CDH9: variants seen among roughly 807,000 people sequenced by gnomAD.
CDH9 encodes cadherin-9.
CDH9 carries 28 observed loss-of-function variants against 70.9 expected under a neutral mutation model. The ratio of observed to expected loss-of-function variants is 0.40; its 90% CI spans 0.29 to 0.54. CDH9 has a LOEUF of 0.54. Among genes scored for constraint, CDH9 ranks in the 20% least tolerant of loss-of-function variants. CDH9 has a pLI of 0.59. For missense variants in CDH9, 874 were observed against 984.4 expected (o/e 0.89, Z 1.50); for synonymous variants, 409 against 343.1 (o/e 1.19, Z -2.12).
At chr5:26,893,304 C>T (rs559084227) in intron 7 of CDH9, among the ~76,000 whole-genome samples, 1 of 151,896 alleles carries the variant, frequency 6.6e-6, no homozygotes, top group Non-Finnish European at 1.5e-5. Flanking sequence ...GTATTTGGGC[C>T]TTTGGAAAAA....
At position 26,921,540 on chromosome 5, in the gene CDH9, A is replaced by C. The variant is rs77926361; in HGVS notation, c.229-5616T>G. On this transcript the variant is annotated intron_variant, in intron 2 of 11. Coordinates refer to ENST00000231021, the MANE Select transcript of CDH9 (RefSeq NM_016279.4). ...CACAAGTGGAAAAACTGGACAAACAAAAAGGTGGAAACTTAAGACAGAAAC... is the reference window on the plus strand; with the variant it reads ...CACAAGTGGAAAAACTGGACAAACACAAAGGTGGAAACTTAAGACAGAAAC... Among the ~76,000 whole-genome samples, 1,307 of 152,268 alleles carry C rather than the reference A, an allele frequency of 8.6e-3. 20 individuals are homozygous for C. The highest frequency in any genetic ancestry group is 0.029 in the African/African-American group (1,217 of 41,556).
chr5:26,956,458 A>G (rs565845774), intron 2 of CDH9, among the ~76,000 whole-genome samples: 2 of 152,344 alleles, frequency 1.3e-5, no homozygotes, highest in East Asian at 3.9e-4. Flanking sequence ...GAAGGAAAAG[A>G]AAGTACTTAT....
intron 2 of CDH9, among the ~76,000 whole-genome samples, chr5:26,923,226 A>C (rs1370796759): frequency 2.8e-5 from 4 of 143,484 alleles, no homozygotes; most frequent in Non-Finnish European, 4.8e-5. Flanking sequence ...AACGTATTCT[A>C]TGCCAGTAAA....
chr5:26,907,193 C>G lies in CDH9; in HGVS notation c.524-355G>C, dbSNP rs1232193280. On this transcript the variant is annotated intron_variant, in intron 3 of 11. Transcript: ENST00000231021. ...AAATTTGTAATTAATACATTTACCA[C>G]TAACTGGAAACATGTATTTAAAAGA... Among the ~76,000 whole-genome samples, 3 of 152,018 alleles carry G rather than the reference C, an allele frequency of 2.0e-5. No individual in the cohort carries two copies. In the South Asian group the frequency reaches 6.2e-4, roughly 31 times the overall value.
intron 2 of CDH9, among the ~76,000 whole-genome samples, chr5:26,949,337 T>C (rs949117829): frequency 2.6e-5 from 4 of 152,194 alleles, no homozygotes; most frequent in African/African-American, 7.2e-5. Flanking sequence ...GCGATTGATA[T>C]AGCTGCTGAG....
At chr5:26,952,488 A>G (rs1316595791) in intron 2 of CDH9, among the ~76,000 whole-genome samples, 5 of 135,360 alleles carry the variant, frequency 3.7e-5, no homozygotes, top group East Asian at 4.3e-4. Context: ...AAAAAAAAAA[A>G]GCCGGGCGTG....
rs1247288579 is a variant in CDH9 at position 26,916,034 on chromosome 5, T to C, written c.229-110A>G. The C allele has an allele frequency of 1.2e-5, 8 of 656,558 alleles. 1 individual carries two copies. The highest frequency in any genetic ancestry group is 4.8e-5 in the South Asian group (2 of 41,706). 40.7% of individuals were successfully genotyped at this position (656,558 alleles called of 1,614,324 possible). ...CCATATAACAGCTCTGCAATAATTA[T>C]CTTAATGGTTATCTTGACTTTTGCT... is the stretch of plus-strand genomic sequence containing the variant. On this transcript the variant is annotated intron_variant, in intron 2 of 11. Transcript: ENST00000231021.
At chr5:26,886,934 C>T (rs996077958) in intron 9 of CDH9, among the ~76,000 whole-genome samples, 6 of 152,132 alleles carry the variant, frequency 3.9e-5, no homozygotes, top group African/African-American at 9.7e-5. Context: ...TGACTTTTAA[C>T]GTTCTCTTCT....
At chr5:26,937,176 T>A (rs1489100618) in intron 2 of CDH9, among the ~76,000 whole-genome samples, 1 of 152,006 alleles carries the variant, frequency 6.6e-6, no homozygotes, top group Non-Finnish European at 1.5e-5. Flanking sequence ...AAAGAACTCT[T>A]AAGAAAATAA....
intron 1 of CDH9, among the ~76,000 whole-genome samples, chr5:26,999,254 A>C (rs1332397682): frequency 1.3e-5 from 2 of 151,994 alleles, no homozygotes; most frequent in Admixed American, 1.3e-4. Context: ...AATAAAAATA[A>C]ATAAAAATAA....
chr5:27,004,170 G>A (rs1742819398), intron 1 of CDH9, among the ~76,000 whole-genome samples: 1 of 150,168 alleles, frequency 6.7e-6, no homozygotes, highest in Non-Finnish European at 1.5e-5. Flanking sequence ...GCAGAAAGCT[G>A]AAGGGAGATA....
chr5:26,996,677 TA>T (rs1742671116), intron 1 of CDH9, among the ~76,000 whole-genome samples: 1 of 151,796 alleles, frequency 6.6e-6, no homozygotes, highest in Non-Finnish European at 1.5e-5. Context: ...CATATATGTG[TA>T]CATGTATAAA....
chr5:26,973,947 A>C (rs183779787), intron 2 of CDH9, among the ~76,000 whole-genome samples: 45 of 152,284 alleles, frequency 3.0e-4, no homozygotes, highest in African/African-American at 9.9e-4. Flanking sequence ...ATTCATGTTA[A>C]GAAAAGGCTG....
chr5:27,026,363 T>C (rs976117445), intron 1 of CDH9, among the ~76,000 whole-genome samples: 1 of 151,878 alleles, frequency 6.6e-6, no homozygotes, highest in African/African-American at 2.4e-5. Flanking sequence ...CTGTTTCACC[T>C]GTCATTTTTG....
chr5:26,965,910 A>G (rs1045292277), intron 2 of CDH9, among the ~76,000 whole-genome samples: 13 of 152,312 alleles, frequency 8.5e-5, no homozygotes, highest in African/African-American at 2.9e-4. Flanking sequence ...AACACTTTCT[A>G]CTTTCACAAG....
At chr5:26,989,444 G>A (rs774493447) in intron 1 of CDH9, among the ~76,000 whole-genome samples, 16 of 151,702 alleles carry the variant, frequency 1.1e-4, no homozygotes, top group East Asian at 7.7e-4. Flanking sequence ...GAAGCAGTTC[G>A]GCATTTCCTT....
intron 2 of CDH9, among the ~76,000 whole-genome samples, chr5:26,971,840 GACA>G (rs1742224235): frequency 6.6e-6 from 1 of 152,060 alleles, no homozygotes; most frequent in Admixed American, 6.6e-5. Flanking sequence ...AGAACACAGA[GACA>G]ACAACCACTG....
chr5:26,890,377 T>C (rs1467022173), intron 8 of CDH9, 51 bp downstream of exon 8: 2 of 1,532,148 alleles, frequency 1.3e-6, no homozygotes, highest in Non-Finnish European at 1.8e-6. Context: ...GCTATTATTT[T>C]ACCACTTTGA....
intron 1 of CDH9, among the ~76,000 whole-genome samples, chr5:27,034,003 AC>A (rs763281679): frequency 2.0e-5 from 3 of 151,450 alleles, no homozygotes; most frequent in Non-Finnish European, 3.0e-5. Flanking sequence ...TTTTTATATG[AC>A]TTTCCAAAGA....
Sources: gnomAD v4.1 joint callset for allele counts (sites outside exome capture counted in the v4.1 genomes callset) on GRCh38, gnomAD v4.1.1 for gene constraint, MANE v1.5 for transcripts, NCBI Gene and HGNC (gene_info 2026-07-23, HGNC 2026-07-21) for gene names.